The following SPIRE1 variants were observed in gnomAD, a reference collection of about 807,000 sequenced individuals.
SPIRE1 encodes protein spire homolog 1.
A neutral mutation model predicts 94.1 loss-of-function variants in SPIRE1; 40 were observed. That is an observed-to-expected ratio of 0.43 (90% CI 0.33 to 0.55). The LOEUF is 0.55. Among genes scored for constraint, SPIRE1 ranks in the 20% least tolerant of loss-of-function variants. SPIRE1 has a pLI of 0.06. For synonymous variants in SPIRE1, 376 were observed against 371.7 expected, an observed-to-expected ratio of 1.01 and a Z score of -0.13; for missense variants, 838 against 975.2, an observed-to-expected ratio of 0.86 and a Z score of 1.87.
chr18:12,641,344 C>T (rs1020999030), intron 1 of SPIRE1, among the ~76,000 whole-genome samples: 1 of 151,452 alleles, frequency 6.6e-6, no homozygotes, highest in Non-Finnish European at 1.5e-5. Context: ...AAAATTTCTA[C>T]AGCCTAATCA....
intron 9 of SPIRE1, among the ~76,000 whole-genome samples, chr18:12,482,790 T>G (rs915085306): frequency 6.6e-5 from 10 of 152,118 alleles, no homozygotes; most frequent in African/African-American, 2.4e-4. Context: ...TGACTGAGAC[T>G]ACTGAAAGAA....
chr18:12,577,039 AT>A (rs1225605176), intron 2 of SPIRE1, among the ~76,000 whole-genome samples: 1 of 152,198 alleles, frequency 6.6e-6, no homozygotes, highest in African/African-American at 2.4e-5. Flanking sequence ...AGGTAGTTCA[AT>A]GGGGAAAGGA....
intron 2 of SPIRE1, among the ~76,000 whole-genome samples, chr18:12,570,906 T>C (rs752143047): frequency 6.6e-6 from 1 of 152,194 alleles, no homozygotes; most frequent in African/African-American, 2.4e-5. Flanking sequence ...CATTAAATTA[T>C]CAACCCTTTG....
At chr18:12,640,733 G>A (rs764926082) in intron 1 of SPIRE1, among the ~76,000 whole-genome samples, 10 of 152,178 alleles carry the variant, frequency 6.6e-5, no homozygotes, top group East Asian at 1.9e-4. Context: ...AATCTGTTCC[G>A]GAAGCAGGAG....
intron 12 of SPIRE1, among the ~76,000 whole-genome samples, chr18:12,461,694 CTTAG>C (rs1437314740): frequency 6.6e-6 from 1 of 152,074 alleles, no homozygotes; most frequent in Non-Finnish European, 1.5e-5. Context: ...GTGGCACATT[CTTAG>C]TTCACTGTGG....
chr18:12,519,713 T>C (rs2034306354), intron 4 of SPIRE1, among the ~76,000 whole-genome samples: 1 of 152,200 alleles, frequency 6.6e-6, no homozygotes, highest in African/African-American at 2.4e-5. Flanking sequence ...TGAAAAGATA[T>C]CTGATCTCAT....
intron 6 of SPIRE1, 121 bp from the exon 7 acceptor site, chr18:12,496,223 T>C (rs2143895636): frequency 4.7e-6 from 3 of 638,734 alleles, no homozygotes; most frequent in East Asian, 2.8e-5. Context: ...CAAGGATACA[T>C]TTCAAATCAA....
intron 2 of SPIRE1, among the ~76,000 whole-genome samples, chr18:12,589,012 A>G (rs2036460401): frequency 6.6e-6 from 1 of 151,466 alleles, no homozygotes; most frequent in Admixed American, 6.6e-5. Context: ...ATTCATACAG[A>G]TACATACAGA....
chr18:12,614,041 C>T (rs1390087328), intron 2 of SPIRE1, among the ~76,000 whole-genome samples: 1 of 152,196 alleles, frequency 6.6e-6, no homozygotes, highest in Non-Finnish European at 1.5e-5. Flanking sequence ...GGGAGGACTG[C>T]TTGAGGCCAA....
At chr18:12,642,951 A>G (rs2038126455) in intron 1 of SPIRE1, among the ~76,000 whole-genome samples, 1 of 152,108 alleles carries the variant, frequency 6.6e-6, no homozygotes, top group Non-Finnish European at 1.5e-5. Context: ...AGAAGAAGAA[A>G]TGCTGCCATA....
intron 2 of SPIRE1, among the ~76,000 whole-genome samples, chr18:12,599,948 G>T (rs1331971016): frequency 6.6e-6 from 1 of 152,016 alleles, no homozygotes; most frequent in East Asian, 1.9e-4. Flanking sequence ...ACAAATACAT[G>T]ATTATATTAC....
At chr18:12,550,663 GC>G (rs2035322173) in intron 2 of SPIRE1, among the ~76,000 whole-genome samples, 1 of 152,018 alleles carries the variant, frequency 6.6e-6, no homozygotes, top group Non-Finnish European at 1.5e-5. Flanking sequence ...TCTGTAATGC[GC>G]CCATCTCTCC....
At chr18:12,612,704 T>C (rs562869077) in intron 2 of SPIRE1, among the ~76,000 whole-genome samples, 1 of 152,332 alleles carries the variant, frequency 6.6e-6, no homozygotes, top group Admixed American at 6.5e-5. Flanking sequence ...ACTCCTCCCC[T>C]GACTACATAT....
At chr18:12,625,583 T>G (rs1428250321) in intron 2 of SPIRE1, among the ~76,000 whole-genome samples, 1 of 152,258 alleles carries the variant, frequency 6.6e-6, no homozygotes, top group Non-Finnish European at 1.5e-5. Flanking sequence ...TTTAATTAGT[T>G]TGGTATCAAA....
chr18:12,606,583 T>C (rs2036984074), intron 2 of SPIRE1, among the ~76,000 whole-genome samples: 1 of 151,228 alleles, frequency 6.6e-6, no homozygotes, highest in South Asian at 2.1e-4. Context: ...CAGGCTGGAA[T>C]GCGGTAGCAC....
chr18:12,525,352 A>T (rs1409456053), intron 4 of SPIRE1, among the ~76,000 whole-genome samples: 1 of 150,104 alleles, frequency 6.7e-6, no homozygotes, highest in East Asian at 1.9e-4. Flanking sequence ...AAAAATAAGG[A>T]TAAAAATTGT....
intron 3 of SPIRE1, among the ~76,000 whole-genome samples, chr18:12,542,408 G>A (rs2035040238): frequency 6.6e-6 from 1 of 152,256 alleles, no homozygotes; most frequent in African/African-American, 2.4e-5. Context: ...AGTAACTACT[G>A]TATTGAGCAG....
intron 2 of SPIRE1, among the ~76,000 whole-genome samples, chr18:12,568,808 A>C (rs1176479131): frequency 6.6e-6 from 1 of 152,202 alleles, no homozygotes; most frequent in African/African-American, 2.4e-5. Flanking sequence ...TATATGGTTT[A>C]AAGTTAGATA....
At chr18:12,469,051 G>T (rs1206810610) in intron 10 of SPIRE1, among the ~76,000 whole-genome samples, 1 of 152,012 alleles carries the variant, frequency 6.6e-6, no homozygotes, top group Non-Finnish European at 1.5e-5. Flanking sequence ...GTGACAGAGC[G>T]AAACCCTGTC....
Sources: allele counts gnomAD v4.1 joint callset (sites outside exome capture counted in the v4.1 genomes callset), GRCh38; gene constraint gnomAD v4.1.1; transcripts MANE v1.5; gene names NCBI Gene and HGNC (gene_info 2026-07-23, HGNC 2026-07-21).